Variants in TENM4 observed in about 807,000 individuals in gnomAD.
TENM4 encodes the protein teneurin transmembrane protein 4.
A neutral mutation model predicts 243.3 loss-of-function variants in TENM4; 82 were observed. That is an observed-to-expected ratio of 0.34 (90% CI 0.28 to 0.40). The LOEUF (loss-of-function observed/expected upper bound fraction) is 0.40. Among genes scored for constraint, TENM4 ranks in the 10% least tolerant of loss-of-function variants. TENM4 has a pLI of 1.00. For synonymous variants in TENM4, 1,412 were observed against 1,456.3 expected (o/e 0.97, Z 0.69); for missense variants, 3,138 against 3,673.3 (o/e 0.85, Z 3.77).
intron 2 of TENM4, among the ~76,000 whole-genome samples, chr11:79,280,217 T>C (rs1417254973): frequency 6.6e-6 from 1 of 152,236 alleles, no homozygotes; most frequent in Non-Finnish European, 1.5e-5. Context: ...TCTTCTGTAG[T>C]TTCCACAGCT....
intron 4 of TENM4, among the ~76,000 whole-genome samples, chr11:79,112,503 G>A (rs1156875342): frequency 6.6e-6 from 1 of 152,134 alleles, no homozygotes; most frequent in East Asian, 1.9e-4. Flanking sequence ...TAGGGTGAGA[G>A]GTAGGTGGGT....
intron 1 of TENM4, among the ~76,000 whole-genome samples, chr11:79,374,224 C>T (rs779988514): frequency 1.3e-5 from 2 of 152,100 alleles, no homozygotes; most frequent in Non-Finnish European, 2.9e-5. Flanking sequence ...CAAATCGCCT[C>T]CAACACACAT....
At chr11:79,246,978 T>C (rs1855527010) in intron 2 of TENM4, among the ~76,000 whole-genome samples, 1 of 127,968 alleles carries the variant, frequency 7.8e-6, no homozygotes, top group African/African-American at 3.0e-5. Flanking sequence ...ATGAATATTG[T>C]ATTTCTCAAA....
chr11:79,002,030 C>A (rs1858342514), intron 6 of TENM4, among the ~76,000 whole-genome samples: 1 of 152,162 alleles, frequency 6.6e-6, no homozygotes, highest in Non-Finnish European at 1.5e-5. Flanking sequence ...GCTTCCCCAC[C>A]CCCACCAGCA....
chr11:79,116,480 C>T (rs140477901), intron 4 of TENM4, among the ~76,000 whole-genome samples: 12 of 148,100 alleles, frequency 8.1e-5, no homozygotes, highest in African/African-American at 2.3e-4. Flanking sequence ...GTCAAGTTGA[C>T]GTTGAACATA....
intron 1 of TENM4, among the ~76,000 whole-genome samples, chr11:79,326,742 C>G (rs762062407): frequency 2.6e-5 from 4 of 152,200 alleles, no homozygotes; most frequent in Non-Finnish European, 5.9e-5. Context: ...AACTGAGTCT[C>G]TTTGTCCCGT....
Position 79,218,304 on chromosome 11 carries a change from A to G in TENM4, c.-264-2395T>C, listed in dbSNP as rs772808670. Among the ~76,000 whole-genome samples, 169 of 138,448 alleles carry G rather than the reference A, an allele frequency of 1.2e-3. 1 individual carries two copies. Among genetic ancestry groups the G allele is most frequent in the Non-Finnish European group, 1.9e-3 (127 of 65,730 alleles). 90.8% of individuals were successfully genotyped at this position (138,448 alleles called of 152,430 possible). ...CAGGAAATTGGCTGCCTTGGCTACA[A>G]AAATGGGCAAGGGAAAAGGTACTTT... is the stretch of plus-strand genomic sequence containing the variant. On this transcript the variant is annotated intron_variant, in intron 2 of 33. Coordinates refer to ENST00000278550, the MANE Select transcript of TENM4 (RefSeq NM_001098816.3).
At chr11:78,970,951 C>T (rs1857531281) in intron 6 of TENM4, among the ~76,000 whole-genome samples, 2 of 151,846 alleles carry the variant, frequency 1.3e-5, no homozygotes, top group East Asian at 1.9e-4. Flanking sequence ...TTTTAATATG[C>T]TTTTATATCT....
chr11:78,660,320 C>T (rs1172322976), intron 33 of TENM4, among the ~76,000 whole-genome samples: 1 of 152,166 alleles, frequency 6.6e-6, no homozygotes, highest in Non-Finnish European at 1.5e-5. Context: ...CTGTTTACTT[C>T]TTTCAGCCAT....
intron 1 of TENM4, among the ~76,000 whole-genome samples, chr11:79,434,132 C>T (rs1227260852): frequency 6.6e-6 from 1 of 152,192 alleles, no homozygotes; most frequent in Non-Finnish European, 1.5e-5. Flanking sequence ...GGGGTAACGG[C>T]AAAAGCACCC....
At position 78,820,433 on chromosome 11, in the gene TENM4, T is replaced by G. The variant is rs532601192; in HGVS notation, c.1682-6038A>C. 9.2e-5 allele frequency among the ~76,000 whole-genome samples: 14 copies of G among 152,312 alleles called. No homozygotes were observed. The South Asian group carries it at 2.9e-3, about 32-fold the overall frequency. Reference sequence around the variant, plus strand: ...GGAACCCTTACTAGCTAGATGCCTTTGGACAAGCCATCTCTATACATTACT... The same window carrying G: ...GGAACCCTTACTAGCTAGATGCCTTGGGACAAGCCATCTCTATACATTACT... On this transcript the variant is annotated intron_variant, in intron 12 of 33. Transcript: ENST00000278550.
intron 6 of TENM4, among the ~76,000 whole-genome samples, chr11:79,025,105 C>T (rs900978443): frequency 6.6e-6 from 1 of 152,162 alleles, no homozygotes; most frequent in Non-Finnish European, 1.5e-5. Context: ...GGAGACTCTT[C>T]CAGTTCAAAG....
chr11:79,262,461 C>T (rs73510662), intron 2 of TENM4, among the ~76,000 whole-genome samples: 8,844 of 152,250 alleles, frequency 0.058, 765 homozygotes, highest in African/African-American at 0.19. Flanking sequence ...GTCTTGATGA[C>T]TAAATTACTA....
intron 17 of TENM4, among the ~76,000 whole-genome samples, chr11:78,777,610 C>T (rs1856762809): frequency 6.6e-6 from 1 of 152,178 alleles, no homozygotes; most frequent in Admixed American, 6.5e-5. Context: ...ACTTAATCCT[C>T]ATACTAGCCT....
At chr11:79,031,762 C>T (rs1027685692) in intron 6 of TENM4, among the ~76,000 whole-genome samples, 3 of 152,294 alleles carry the variant, frequency 2.0e-5, no homozygotes, top group African/African-American at 4.8e-5. Flanking sequence ...TCTGGGCAAA[C>T]GTGAGTGAAC....
intron 6 of TENM4, among the ~76,000 whole-genome samples, chr11:78,940,934 C>G (rs1485978072): frequency 6.6e-6 from 1 of 152,196 alleles, no homozygotes; most frequent in Non-Finnish European, 1.5e-5. Context: ...TCTGTTAAAG[C>G]CAAGAGCTGT....
At chr11:79,286,380 G>A (rs1229782490) in intron 2 of TENM4, among the ~76,000 whole-genome samples, 8 of 152,014 alleles carry the variant, frequency 5.3e-5, no homozygotes, top group Non-Finnish European at 1.2e-4. Flanking sequence ...GGATGGGCAC[G>A]GTGGCTCATA....
chr11:78,988,467 A>G (rs958380765), intron 6 of TENM4, among the ~76,000 whole-genome samples: 9 of 152,242 alleles, frequency 5.9e-5, no homozygotes, highest in Non-Finnish European at 1.3e-4. Flanking sequence ...TTATGTAGCA[A>G]TTGAAAACTA....
intron 6 of TENM4, among the ~76,000 whole-genome samples, chr11:78,959,846 A>G (rs1402523139): frequency 6.6e-6 from 1 of 152,162 alleles, no homozygotes; most frequent in Non-Finnish European, 1.5e-5. Context: ...CTAATTTGCA[A>G]AGGAAGAGAT....
Sources: allele counts gnomAD v4.1 joint callset (sites outside exome capture counted in the v4.1 genomes callset), GRCh38; gene constraint gnomAD v4.1.1; transcripts MANE v1.5; gene names NCBI Gene and HGNC (gene_info 2026-07-23, HGNC 2026-07-21).